The following TMEM179 variants were observed in gnomAD, a reference collection of about 807,000 sequenced individuals.
The protein encoded by TMEM179 is transmembrane protein 179A.
A neutral mutation model predicts 22.2 loss-of-function variants in TMEM179; 17 were observed. The ratio of observed to expected loss-of-function variants is 0.77; its 90% CI spans 0.52 to 1.15. The LOEUF is 1.15. Among genes scored for constraint, TMEM179 ranks in the 50% most tolerant of loss-of-function variants. The pLI is 0.00. For missense variants in TMEM179, 265 were observed against 313.6 expected, an observed-to-expected ratio of 0.84 and a Z score of 1.17; for synonymous variants, 127 against 140.5, an observed-to-expected ratio of 0.90 and a Z score of 0.68.
chr14:104,594,083 C>T (rs974291606), intron 3 of TMEM179: 1 of 1,233,672 alleles, frequency 8.1e-7, no homozygotes. Context: ...GCCGCTGTTT[C>T]CAAACAGTTG....
intron 1 of TMEM179, among the ~76,000 whole-genome samples, chr14:104,603,661 T>TTCACAGAGGGAGTGGGTGGGC (rs1384130106): frequency 2.8e-5 from 4 of 143,516 alleles, no homozygotes; most frequent in Non-Finnish European, 6.0e-5. Flanking sequence ...AGAGGGTGGG[T>TTCACAGAGGGAGTGGGTGGGC]TCACAGAGGG....
intron 1 of TMEM179, among the ~76,000 whole-genome samples, chr14:104,600,645 T>C (rs1019291975): frequency 6.6e-6 from 1 of 152,194 alleles, no homozygotes; most frequent in Non-Finnish European, 1.5e-5. Context: ...CATTCACTCA[T>C]TCACTCAGCA....
At position 104,591,338 on chromosome 14, in the gene TMEM179, C is replaced by A. The variant is rs1244615998; in HGVS notation, c.*2141G>T. The A allele has an allele frequency of 1.5e-5, 7 of 455,504 alleles. No individual in the cohort carries two copies. The highest frequency in any genetic ancestry group is 9.3e-5 in the South Asian group (6 of 64,508). The allele number at this position is 455,504 out of a possible 1,614,324, so 28.2% of individuals were successfully genotyped here. On this transcript the variant is annotated 3_prime_UTR_variant, in exon 4 of 4. Transcript: ENST00000556573. ...CCTTCAGGGCCCTAGATGGCTGTGG[C>A]CTGGATCAGGGCTGGGCAGAGGGTG... is the stretch of plus-strand genomic sequence containing the variant.
chr14:104,603,804 T>C (rs890128240), intron 1 of TMEM179, among the ~76,000 whole-genome samples: 5 of 152,152 alleles, frequency 3.3e-5, no homozygotes, highest in Admixed American at 6.5e-5. Flanking sequence ...CCAGGTTGTA[T>C]GGGCTCCAGT....
Position 104,591,144 on chromosome 14 carries a change from C to G in TMEM179, c.*2335G>C, listed in dbSNP as rs574750707. On this transcript the variant is annotated 3_prime_UTR_variant, in exon 4 of 4. Transcript: ENST00000556573. Reference sequence around the variant, plus strand: ...GGGCGATGTGTCTGGGCTCCGGAGACAGCCCAGTCCAGGGTGGGTCTATGT... The same window carrying G: ...GGGCGATGTGTCTGGGCTCCGGAGAGAGCCCAGTCCAGGGTGGGTCTATGT... 28 of 338,084 alleles carry G rather than the reference C, an allele frequency of 8.3e-5. No homozygotes were observed. The highest frequency in any genetic ancestry group is 1.5e-4 in the Non-Finnish European group (26 of 172,142). The allele number at this position is 338,084 out of a possible 1,614,324, so 20.9% of individuals were successfully genotyped here.
chr14:104,593,448 T>C lies in TMEM179; in HGVS notation c.*31A>G, dbSNP rs1466679054. 5 of 1,535,364 alleles carry C rather than the reference T, an allele frequency of 3.3e-6. No homozygotes were observed. The African/African-American group carries it at 5.5e-5, about 17-fold the overall frequency. ...CGTGCCCCCGAGCGCAGCAGGGAGG[T>C]CGGGGCCAGCTCCCCCTGCCTGCAC... is the stretch of plus-strand genomic sequence containing the variant. On this transcript the variant is annotated 3_prime_UTR_variant, in exon 4 of 4. Coordinates refer to ENST00000556573, the MANE Select transcript of TMEM179 (RefSeq NM_001286389.2).
rs970470131 is a variant in TMEM179 at position 104,597,326 on chromosome 14, T to C, written c.306-199A>G. The stretch of plus-strand genomic sequence containing the variant: ...GCCTCAAGGAGTTGTTCCCCCTGCC[T>C]GCGGTCCCTCGGGCAGCTCCGTGTG... On this transcript the variant is annotated intron_variant, in intron 1 of 3. Transcript: ENST00000556573. This position sits in a 1 kb window ranked among gnomAD's most constrained non-coding sequence, Gnocchi z 4.8. Among the ~76,000 whole-genome samples, 5 of 152,106 alleles carry C rather than the reference T, an allele frequency of 3.3e-5. No individual in the cohort carries two copies. The highest frequency in any genetic ancestry group is 7.4e-5 in the Non-Finnish European group (5 of 68,010).
Position 104,604,347 on chromosome 14 carries a change from C to T in TMEM179, c.305+90G>A. ...GCGGGCCTCGGAGCTGCCTGAGAGACGGAGGGACTCGCGCGCCTCCCCGGG... is the reference window on the plus strand; with the variant it reads ...GCGGGCCTCGGAGCTGCCTGAGAGATGGAGGGACTCGCGCGCCTCCCCGGG... On this transcript the variant is annotated intron_variant, in intron 1 of 3. Transcript: ENST00000556573. The surrounding 1 kb of genome is among the most constrained non-coding windows in gnomAD (Gnocchi z 4.6). The T allele has an allele frequency of 7.4e-7, 1 of 1,359,716 alleles. No individual in the cohort carries two copies. Among genetic ancestry groups the T allele is most frequent in the South Asian group, 1.5e-5 (1 of 64,724 alleles). 84.2% of individuals were successfully genotyped at this position (1,359,716 alleles called of 1,614,324 possible). A position where few individuals can be genotyped will look rare whatever the true frequency, so the allele number is the denominator to read the frequency against.
intron 3 of TMEM179, chr14:104,593,951 C>T: frequency 3.0e-6 from 3 of 985,420 alleles, no homozygotes; most frequent in Non-Finnish European, 3.9e-6. Flanking sequence ...GGCCAGAGGC[C>T]CCGAGGAGGG....
chr14:104,604,624 G>C lies in TMEM179; in HGVS notation c.118C>G (p.Leu40Val), dbSNP rs762948966. The change falls in exon 1 of 4, where the codon CTG (leucine) becomes GTG (valine). Residue 40 changes from leucine to valine, a missense_variant. Leu to Val is a conservative substitution (Grantham distance 32). Transcript: ENST00000556573. This position sits in a 1 kb window ranked among gnomAD's most constrained non-coding sequence, Gnocchi z 4.6. ...AGCCACATGCCCTCGGTGAAGAGCAGGCAGCGGCCGCGGAAGTCGTGGCCG... is the reference window on the plus strand; with the variant it reads ...AGCCACATGCCCTCGGTGAAGAGCACGCAGCGGCCGCGGAAGTCGTGGCCG... The part of the protein sequence containing the change: ...ENGHDFRGRC[L>V]LFTEGMWLSA... 4 of 1,575,572 alleles carry C rather than the reference G, an allele frequency of 2.5e-6. No individual in the cohort carries two copies. The South Asian group carries it at 4.6e-5, about 18-fold the overall frequency.
At chr14:104,594,825 C>T (rs1886962499) in intron 3 of TMEM179, 1 of 1,285,558 alleles carries the variant, frequency 7.8e-7, no homozygotes, top group South Asian at 2.1e-5. Flanking sequence ...GCCCTTGTCC[C>T]TACACTGGAC....
At chr14:104,594,881 C>CCCCCCCCCCCCCCT in intron 3 of TMEM179, 1 of 1,319,496 alleles carries the variant, frequency 7.6e-7, no homozygotes. Context: ...CACCTCCCCC[C>CCCCCCCCCCCCCCT]ACACCCCCAC....
chr14:104,594,049 A>G (rs1387733658), intron 3 of TMEM179: 2 of 1,230,930 alleles, frequency 1.6e-6, no homozygotes, highest in Non-Finnish European at 2.0e-6. Flanking sequence ...GGCTCCTCCA[A>G]CCACCGGAAT....
chr14:104,598,210 G>A (rs557297345), intron 1 of TMEM179, among the ~76,000 whole-genome samples: 24 of 152,278 alleles, frequency 1.6e-4, no homozygotes, highest in African/African-American at 3.1e-4. Context: ...CGGAGGCTCC[G>A]GGGGGTAGGG....
At chr14:104,600,153 T>C (rs1442266718) in intron 1 of TMEM179, among the ~76,000 whole-genome samples, 3 of 152,228 alleles carry the variant, frequency 2.0e-5, no homozygotes, top group African/African-American at 7.2e-5. Context: ...CTGCCCAGGC[T>C]GTCCAGGTCG....
At chr14:104,594,807 A>C in intron 3 of TMEM179, 1 of 1,220,302 alleles carries the variant, frequency 8.2e-7, no homozygotes, top group Non-Finnish European at 1.0e-6. Flanking sequence ...CCAGCACCAA[A>C]GTCCAAAGCC....
At position 104,595,079 on chromosome 14, in the gene TMEM179, G is replaced by A. The variant is rs751690273; in HGVS notation, c.522+86C>T. On this transcript the variant is annotated intron_variant, in intron 3 of 3. Transcript: ENST00000556573. This position sits in a 1 kb window ranked among gnomAD's most constrained non-coding sequence, Gnocchi z 5.7. Reference sequence around the variant, plus strand: ...CACACAGGAGCCTGCCTCCTCCTCTGGATGGGGGAGAGCTCAGCAAATGTC... The same window carrying A: ...CACACAGGAGCCTGCCTCCTCCTCTAGATGGGGGAGAGCTCAGCAAATGTC... 8.3e-5 allele frequency: 133 copies of A among 1,600,438 alleles called. No homozygotes were observed. The highest frequency in any genetic ancestry group is 1.1e-4 in the Non-Finnish European group (127 of 1,172,316).
Position 104,604,330 on chromosome 14 carries a change from C to T in TMEM179, c.305+107G>A. ...GCGGATTGTTGACATTTGCGGGCCTCGGAGCTGCCTGAGAGACGGAGGGAC... is the reference window on the plus strand; with the variant it reads ...GCGGATTGTTGACATTTGCGGGCCTTGGAGCTGCCTGAGAGACGGAGGGAC... On this transcript the variant is annotated intron_variant, in intron 1 of 3. Coordinates refer to ENST00000556573, the MANE Select transcript of TMEM179 (RefSeq NM_001286389.2). The surrounding 1 kb of genome is among the most constrained non-coding windows in gnomAD (Gnocchi z 4.6). 3.1e-6 allele frequency: 4 copies of T among 1,281,318 alleles called. No individual in the cohort carries two copies. The highest frequency in any genetic ancestry group is 4.1e-6 in the Non-Finnish European group (4 of 975,214). The allele number at this position is 1,281,318 out of a possible 1,614,324, so 79.4% of individuals were successfully genotyped here.
chr14:104,601,941 T>A (rs980061503), intron 1 of TMEM179, among the ~76,000 whole-genome samples: 1 of 151,970 alleles, frequency 6.6e-6, no homozygotes, highest in African/African-American at 2.4e-5. Flanking sequence ...CTAAATCCCA[T>A]ATGGGCCGGT....
Sources: gnomAD v4.1 joint callset for allele counts (sites outside exome capture counted in the v4.1 genomes callset) on GRCh38, gnomAD v4.1.1 for gene constraint, Gnocchi (gnomAD v3.1) non-coding constraint, MANE v1.5 for transcripts, NCBI Gene and HGNC (gene_info 2026-07-23, HGNC 2026-07-21) for gene names.